Variants in NAP1L1 observed in about 807,000 individuals in gnomAD.
NAP1L1 encodes the protein nucleosome assembly protein 1 like 1, also known as nucleosome assembly protein 1-like 1.
NAP1L1 carries 9 observed loss-of-function variants against 58.9 expected under a neutral mutation model. The ratio of observed to expected loss-of-function variants is 0.15; its 90% CI spans 0.09 to 0.27. The LOEUF (loss-of-function observed/expected upper bound fraction) is 0.27, where lower values mean the gene tolerates loss of function less well. Among genes scored for constraint, NAP1L1 ranks in the 10% least tolerant of loss-of-function variants. The pLI, the probability that NAP1L1 is intolerant of heterozygous loss-of-function variation, is 1.00. For missense variants in NAP1L1, 302 were observed against 458.8 expected (o/e 0.66, Z 3.12); for synonymous variants, 130 against 138.3 (o/e 0.94, Z 0.42).
rs76798846 is a variant in NAP1L1 at position 76,066,452 on chromosome 12, A to G, written c.206+919T>C. On this transcript the variant is annotated intron_variant, in intron 4 of 14. Coordinates refer to ENST00000618691, the MANE Select transcript of NAP1L1 (RefSeq NM_004537.7). ...CTGACAAGGGAATAACATTTGGAAT[A>G]CAAAGACTTTTGCAAAGCATTAAAA... 6.4e-3 allele frequency among the ~76,000 whole-genome samples: 981 copies of G among 152,276 alleles called. 7 individuals are homozygous for G. The highest frequency in any genetic ancestry group is 1.0e-2 in the Non-Finnish European group (677 of 67,960).
intron 1 of NAP1L1, chr12:76,083,834 C>T (rs1436143235): frequency 6.6e-6 from 1 of 152,264 alleles, no homozygotes; most frequent in African/African-American, 2.4e-5. Flanking sequence ...CTCGCTTACC[C>T]TTCCTTTTCA....
rs890831318 is a variant in NAP1L1, at chr12:76,037,852, T to C, written c.*10577A>G. 1 of 152,236 alleles carries C rather than the reference T, an allele frequency of 6.6e-6. No homozygotes were observed. Among genetic ancestry groups the C allele is most frequent in the Non-Finnish European group, 1.5e-5 (1 of 68,050 alleles). 9.4% of individuals were successfully genotyped at this position (152,236 alleles called of 1,614,324 possible). A position where few individuals can be genotyped will look rare whatever the true frequency, so the allele number is the denominator to read the frequency against. On this transcript the variant is annotated 3_prime_UTR_variant, in exon 15 of 15. Coordinates refer to ENST00000618691, the MANE Select transcript of NAP1L1 (RefSeq NM_004537.7). ...TATCCAAGATCCTGGATGAGTGTTT[T>C]CGCCATTGTACCTAACGGAGAGCTG... is the stretch of plus-strand genomic sequence containing the variant.
At chr12:76,053,702 C>G in intron 9 of NAP1L1, 68 bp downstream of exon 9, 4 of 1,529,790 alleles carry the variant, frequency 2.6e-6, no homozygotes, top group Non-Finnish European at 3.5e-6. Flanking sequence ...TGAAAATAAC[C>G]GAGTATACAA....
At chr12:76,050,501 T>C in intron 12 of NAP1L1, 30 bp downstream of exon 12, 1 of 1,589,662 alleles carries the variant, frequency 6.3e-7, no homozygotes, top group Non-Finnish European at 8.5e-7. Flanking sequence ...CTCAACCAAT[T>C]ATTTCTTTGC....
chr12:76,050,492 T>TC (rs1948766506), intron 12 of NAP1L1, 39 bp downstream of exon 12: 1 of 1,584,276 alleles, frequency 6.3e-7, no homozygotes, highest in African/African-American at 1.4e-5. Context: ...CACTATACCC[T>TC]CAACCAATTA....
Position 76,042,457 on chromosome 12 carries a change from T to A in NAP1L1, c.*5972A>T, listed in dbSNP as rs568344806. On this transcript the variant is annotated 3_prime_UTR_variant, in exon 15 of 15. Transcript: ENST00000618691. ...GTATTCTCACACATATCCATTAAAATTTGGTAGCAGAGACATTTGTTTAGG... is the reference window on the plus strand; with the variant it reads ...GTATTCTCACACATATCCATTAAAAATTGGTAGCAGAGACATTTGTTTAGG... The A allele has an allele frequency of 6.6e-6, 1 of 152,184 alleles. No individual in the cohort carries two copies. The highest frequency in any genetic ancestry group is 6.5e-5 in the Admixed American group (1 of 15,274). 9.4% of individuals were successfully genotyped at this position (152,184 alleles called of 1,614,324 possible).
intron 6 of NAP1L1, chr12:76,057,937 G>A (rs1219933195): frequency 1.7e-5 from 19 of 1,108,534 alleles, no homozygotes; most frequent in Non-Finnish European, 2.3e-5. Flanking sequence ...TTGTGGCCTT[G>A]TAACTTTTGA....
chr12:76,048,555 G>C lies in NAP1L1; in HGVS notation c.1141-91C>G, dbSNP rs754919574. 6.3e-6 allele frequency: 8 copies of C among 1,279,022 alleles called. No individual in the cohort carries two copies. The African/African-American group carries it at 7.3e-5, about 12-fold the overall frequency. 79.2% of individuals were successfully genotyped at this position (1,279,022 alleles called of 1,614,324 possible). A position where few individuals can be genotyped will look rare whatever the true frequency, so the allele number is the denominator to read the frequency against. ...AATTACTGCCTTAATTATAACAGTA[G>C]CTCACTGTTGTCAAAAGAAATGGTA... On this transcript the variant is annotated intron_variant, in intron 14 of 14. Coordinates refer to ENST00000618691, the MANE Select transcript of NAP1L1 (RefSeq NM_004537.7).
intron 2 of NAP1L1, 35 bp from the exon 3 acceptor site, chr12:76,069,029 G>T: frequency 1.4e-6 from 2 of 1,439,264 alleles, no homozygotes; most frequent in Non-Finnish European, 1.9e-6. Flanking sequence ...AGGTTCAAAT[G>T]TACCAATTAC....
At chr12:76,057,977 T>G in intron 6 of NAP1L1, 1 of 932,118 alleles carries the variant, frequency 1.1e-6, no homozygotes. Flanking sequence ...AAAGATTTTT[T>G]GCTCAAAAAT....
chr12:76,077,916 G>A (rs1950245477), intron 1 of NAP1L1, among the ~76,000 whole-genome samples: 1 of 146,860 alleles, frequency 6.8e-6, no homozygotes, highest in Admixed American at 7.0e-5. Flanking sequence ...CCCAGAGGAG[G>A]AGGCTGCAGT....
intron 4 of NAP1L1, among the ~76,000 whole-genome samples, chr12:76,064,739 T>A (rs1426540621): frequency 6.6e-6 from 1 of 152,016 alleles, no homozygotes; most frequent in Non-Finnish European, 1.5e-5. Flanking sequence ...TATGTACATG[T>A]TTAAAATATG....
intron 1 of NAP1L1, among the ~76,000 whole-genome samples, chr12:76,080,520 T>A (rs1950361541): frequency 6.6e-6 from 1 of 152,192 alleles, no homozygotes; most frequent in Admixed American, 6.5e-5. Context: ...CCGTACCATC[T>A]AGGTTTGTGT....
chr12:76,072,612 AT>A (rs1381163601), intron 2 of NAP1L1, among the ~76,000 whole-genome samples: 2 of 152,168 alleles, frequency 1.3e-5, no homozygotes, highest in Admixed American at 6.5e-5. Context: ...AGAGAAAAAA[AT>A]AATAATGTGA....
At chr12:76,083,529 C>T (rs575771968) in intron 1 of NAP1L1, among the ~76,000 whole-genome samples, 103 of 150,634 alleles carry the variant, frequency 6.8e-4, no homozygotes, top group Admixed American at 1.9e-3. Flanking sequence ...CATTTAAAGC[C>T]GTCCTGGGCC....
At chr12:76,078,447 A>G (rs1002089921) in intron 1 of NAP1L1, among the ~76,000 whole-genome samples, 1 of 152,192 alleles carries the variant, frequency 6.6e-6, no homozygotes, top group Non-Finnish European at 1.5e-5. Flanking sequence ...TCATACAAGT[A>G]ATTTTCACAG....
chr12:76,053,331 T>C lies in NAP1L1; in HGVS notation c.790A>G (p.Lys264Glu), dbSNP rs781158577. Residue 264 changes from lysine (K) to glutamate (E), a missense_variant, in exon 10 of 15, where the codon AAA (lysine) becomes GAA (glutamate). Lys to Glu is a moderately conservative substitution (Grantham distance 56). Transcript: ENST00000618691. ...GTTTTCAAAGTGACATTCTTTCCTT[T>C]TTTCCAATCTATCTGGCACCTTGCA... ...GCTGCQIDWK[K>E]GKNVTLKTIK... is the part of the protein sequence containing the mutation. 1 of 1,613,864 alleles carries C rather than the reference T, an allele frequency of 6.2e-7. No individual in the cohort carries two copies. Among genetic ancestry groups the C allele is most frequent in the Non-Finnish European group, 8.5e-7 (1 of 1,179,842 alleles).
rs1341748434 is a variant in NAP1L1 at position 76,037,075 on chromosome 12, ATAAT to A, written c.*11350_*11353del. 1 of 152,278 alleles carries A rather than the reference ATAAT, an allele frequency of 6.6e-6. No individual in the cohort carries two copies. The highest frequency in any genetic ancestry group is 2.4e-5 in the African/African-American group (1 of 41,472). The allele number at this position is 152,278 out of a possible 1,614,324, so 9.4% of individuals were successfully genotyped here. ...AGAGCGAGAATCTGTCTCAAAATAA[ATAAT>A]TAAATAAATAAACAAATAGTCTCAC... On this transcript the variant is annotated 3_prime_UTR_variant, in exon 15 of 15. Transcript: ENST00000618691.
intron 12 of NAP1L1, 51 bp downstream of exon 12, chr12:76,050,480 A>C: frequency 1.3e-6 from 2 of 1,545,820 alleles, no homozygotes; most frequent in Non-Finnish European, 1.7e-6. Flanking sequence ...ACCAATTCTG[A>C]CCACTATACC....
Sources: allele counts gnomAD v4.1 joint callset (sites outside exome capture counted in the v4.1 genomes callset), GRCh38; gene constraint gnomAD v4.1.1; transcripts MANE v1.5; gene names NCBI Gene and HGNC (gene_info 2026-07-23, HGNC 2026-07-21).